SIRPD: variants seen among roughly 807,000 people sequenced by gnomAD.
The protein encoded by SIRPD is signal-regulatory protein delta.
SIRPD carries 21 observed loss-of-function variants against 18.0 expected under a neutral mutation model. The ratio of observed to expected loss-of-function variants is 1.17; its 90% CI spans 0.83 to 1.68. The LOEUF is 1.68. Among genes scored for constraint, SIRPD ranks in the 40% most tolerant of loss-of-function variants. The pLI is 0.00. For synonymous variants in SIRPD, 106 were observed against 92.9 expected (o/e 1.14, Z -0.81); for missense variants, 295 against 238.4 (o/e 1.24, Z -1.56).
chr20:1,534,277 A>C lies in SIRPD; in HGVS notation c.*148T>G. The C allele has an allele frequency of 9.3e-7, 1 of 1,075,422 alleles. No homozygotes were observed. Among genetic ancestry groups the C allele is most frequent in the Non-Finnish European group, 1.4e-6 (1 of 726,724 alleles). The allele number at this position is 1,075,422 out of a possible 1,614,324, so 66.6% of individuals were successfully genotyped here. A position where few individuals can be genotyped will look rare whatever the true frequency, so the allele number is the denominator to read the frequency against. On this transcript the variant is annotated 3_prime_UTR_variant, in exon 4 of 4. Transcript: ENST00000381623. ...TGGACCCAGGTAAATAGACAGATTTATTGTACGATCAAGCTGGCATTTTAT... is the reference window on the plus strand; with the variant it reads ...TGGACCCAGGTAAATAGACAGATTTCTTGTACGATCAAGCTGGCATTTTAT...
At chr20:1,537,050 G>A in intron 3 of SIRPD, 105 bp downstream of exon 3, 1 of 1,378,572 alleles carries the variant, frequency 7.3e-7, no homozygotes, top group Non-Finnish European at 1.0e-6. Context: ...AGAGGCCCTA[G>A]GACAACAGAG....
At chr20:1,557,161 G>A (rs1009816091) in intron 1 of SIRPD, among the ~76,000 whole-genome samples, 9 of 152,144 alleles carry the variant, frequency 5.9e-5, no homozygotes, top group African/African-American at 1.9e-4. Flanking sequence ...TTGGAGGCAC[G>A]AGAATCACTT....
intron 2 of SIRPD, among the ~76,000 whole-genome samples, chr20:1,546,606 G>A (rs1243391624): frequency 6.6e-6 from 1 of 152,162 alleles, no homozygotes; most frequent in Non-Finnish European, 1.5e-5. Context: ...TAAATACCTA[G>A]GAGTGGAATA....
chr20:1,542,170 C>T (rs898724157), intron 2 of SIRPD, among the ~76,000 whole-genome samples: 3 of 152,056 alleles, frequency 2.0e-5, no homozygotes, highest in African/African-American at 7.2e-5. Flanking sequence ...TTTTCTAATT[C>T]TGTGAAAAAA....
rs1227749501 is a variant in SIRPD, at chr20:1,537,204, T to C, written c.528A>G (p.Thr176=). The C allele has an allele frequency of 2.5e-6, 4 of 1,614,094 alleles. No homozygotes were observed. In the East Asian group the frequency reaches 8.9e-5, roughly 36 times the overall value. Residue 176 remains threonine, a synonymous_variant, in exon 3 of 4, where the codon ACA becomes ACG. Coordinates refer to ENST00000381623, the MANE Select transcript of SIRPD (RefSeq NM_178460.3). ...AGCAGCAGGGTTGGACGAAATAGTT[T>C]GTGCTGTTTCTCTCAGGCAGGGCCG... The part of the protein sequence containing the change: ...CLSALPERNS[T]NYFVQPCCCL...
intron 2 of SIRPD, among the ~76,000 whole-genome samples, chr20:1,544,161 T>G (rs1002599098): frequency 6.6e-6 from 1 of 152,180 alleles, no homozygotes; most frequent in Admixed American, 6.5e-5. Flanking sequence ...GTCCTGAATA[T>G]CCTTGTTAAT....
Position 1,551,759 on chromosome 20 carries a change from A to G in SIRPD, c.353T>C (p.Val118Ala). The G allele has an allele frequency of 6.2e-7, 1 of 1,614,110 alleles. No individual in the cohort carries two copies. Among genetic ancestry groups the G allele is most frequent in the Non-Finnish European group, 8.5e-7 (1 of 1,179,962 alleles). ...GATAGCTCTTCCTTTTATGAACTTC[A>G]CGCAGTAATAGGTGCCAGCATCAGC... is the stretch of plus-strand genomic sequence containing the variant. Reference protein sequence around the residue: ...SLADAGTYYCVKFIKGRAIKE... With the variant: ...SLADAGTYYCAKFIKGRAIKE... The change falls in exon 2 of 4, where the codon GTG (valine) becomes GCG (alanine). Residue 118 changes from valine (V) to alanine (A), a missense_variant. Coordinates refer to ENST00000381623, the MANE Select transcript of SIRPD (RefSeq NM_178460.3).
Position 1,557,478 on chromosome 20 carries a change from G to A in SIRPD, c.73+103C>T, listed in dbSNP as rs185269438. 956 of 1,073,100 alleles carry A rather than the reference G, an allele frequency of 8.9e-4. 7 individuals carry two copies. Among genetic ancestry groups the A allele is most frequent in the Admixed American group, 6.8e-4 (20 of 29,520 alleles). 66.5% of individuals were successfully genotyped at this position (1,073,100 alleles called of 1,614,324 possible). A position where few individuals can be genotyped will look rare whatever the true frequency, so the allele number is the denominator to read the frequency against. ...TCTGCCTGTTCTGGGATAAGATGGAGAAAACCCTCCCAAAAGAAATTCTAT... is the reference window on the plus strand; with the variant it reads ...TCTGCCTGTTCTGGGATAAGATGGAAAAAACCCTCCCAAAAGAAATTCTAT... On this transcript the variant is annotated intron_variant, in intron 1 of 3. Transcript: ENST00000381623.
At chr20:1,550,185 G>A (rs1180358080) in intron 2 of SIRPD, among the ~76,000 whole-genome samples, 1 of 152,208 alleles carries the variant, frequency 6.6e-6, no homozygotes, top group South Asian at 2.1e-4. Flanking sequence ...TGATAAGGTA[G>A]GGTGTGGACC....
chr20:1,537,085 C>T (rs373692961), intron 3 of SIRPD, 70 bp downstream of exon 3: 192 of 1,562,452 alleles, frequency 1.2e-4, no homozygotes, highest in South Asian at 6.9e-4. Flanking sequence ...CTGCAGGTGG[C>T]GAAATGGTAC....
At chr20:1,540,221 A>G (rs998119742) in intron 2 of SIRPD, 2 of 441,378 alleles carry the variant, frequency 4.5e-6, no homozygotes, top group Non-Finnish European at 9.0e-6. Flanking sequence ...AGAAGCCAAA[A>G]GAGAAAGGGA....
intron 2 of SIRPD, among the ~76,000 whole-genome samples, chr20:1,542,306 T>C (rs977823297): frequency 1.3e-5 from 2 of 152,196 alleles, no homozygotes; most frequent in Admixed American, 1.3e-4. Context: ...TCCTCTCTCT[T>C]ATTTCCTTGA....
At chr20:1,554,554 CAT>C (rs2091031605) in intron 1 of SIRPD, among the ~76,000 whole-genome samples, 2 of 152,060 alleles carry the variant, frequency 1.3e-5, no homozygotes, top group African/African-American at 4.8e-5. Flanking sequence ...ACTAAATAAA[CAT>C]ATTTTAAATA....
intron 2 of SIRPD, 67 bp from the exon 3 acceptor site, chr20:1,537,377 G>A (rs2090951569): frequency 6.6e-7 from 1 of 1,513,380 alleles, no homozygotes; most frequent in Non-Finnish European, 9.1e-7. Context: ...GGAGGAAAGG[G>A]CTGTAGGATT....
chr20:1,546,288 C>T (rs1287642975), intron 2 of SIRPD, among the ~76,000 whole-genome samples: 1 of 152,230 alleles, frequency 6.6e-6, no homozygotes, highest in Admixed American at 6.5e-5. Context: ...CTGACTGGGG[C>T]TGCTGTCTTT....
intron 1 of SIRPD, 111 bp from the exon 2 acceptor site, chr20:1,552,149 C>G: frequency 1.2e-6 from 1 of 862,312 alleles, no homozygotes; most frequent in Non-Finnish European, 1.8e-6. Flanking sequence ...GCGCAAATGC[C>G]CATGCATTGA....
intron 2 of SIRPD, among the ~76,000 whole-genome samples, chr20:1,546,513 T>G (rs2090994232): frequency 6.6e-6 from 1 of 152,252 alleles, no homozygotes; most frequent in Non-Finnish European, 1.5e-5. Flanking sequence ...TTGGATTGTT[T>G]CTACCTTTCA....
At chr20:1,545,646 T>G (rs1600067905) in intron 2 of SIRPD, among the ~76,000 whole-genome samples, 1 of 152,154 alleles carries the variant, frequency 6.6e-6, no homozygotes, top group East Asian at 1.9e-4. Context: ...CTCCATCCAG[T>G]TTTGTTGCCT....
chr20:1,543,847 A>T (rs956005447), intron 2 of SIRPD, among the ~76,000 whole-genome samples: 7 of 152,160 alleles, frequency 4.6e-5, no homozygotes, highest in African/African-American at 1.7e-4. Context: ...AAACTTATTT[A>T]TTTCTGCCTT....
Sources: allele counts gnomAD v4.1 joint callset (sites outside exome capture counted in the v4.1 genomes callset), GRCh38; gene constraint gnomAD v4.1.1; transcripts MANE v1.5; gene names NCBI Gene and HGNC (gene_info 2026-07-23, HGNC 2026-07-21).